PLCL2: variants seen among roughly 807,000 people sequenced by gnomAD.
PLCL2 encodes inactive phospholipase C-like protein 2.
Under a neutral mutation model 79.6 loss-of-function variants are expected in PLCL2, and 4 were observed. That is an observed-to-expected ratio of 0.05 (90% confidence interval 0.02 to 0.11). PLCL2 has a LOEUF of 0.11. Ranked by LOEUF, PLCL2 falls within the 10% of genes least tolerant of loss-of-function variation. PLCL2 has a pLI of 1.00. For missense variants in PLCL2, 895 were observed against 1,291.0 expected (o/e 0.69, Z 4.70); for synonymous variants, 484 against 457.7 (o/e 1.06, Z -0.73).
intron 5 of PLCL2, among the ~76,000 whole-genome samples, chr3:17,079,358 T>C (rs1385068526): frequency 6.6e-6 from 1 of 152,186 alleles, no homozygotes; most frequent in Admixed American, 6.5e-5. Flanking sequence ...ATGCTAACCC[T>C]ACCTCTGCCA....
rs548036157 is a variant in PLCL2 at position 17,015,766 on chromosome 3, G to A, written c.3018+855G>A. ...CACGAAACTCTAGGTTTCTTCTGAT[G>A]TAGCTTGCTGTGCTCAAGGACAAAA... On this transcript the variant is annotated intron_variant, in intron 3 of 5. Coordinates refer to ENST00000615277, the MANE Select transcript of PLCL2 (RefSeq NM_001144382.2). 3.3e-5 allele frequency among the ~76,000 whole-genome samples: 5 copies of A among 152,310 alleles called. 1 individual carries two copies. The South Asian group carries it at 8.3e-4, about 25-fold the overall frequency.
At chr3:17,016,109 C>T (rs1228049046) in intron 3 of PLCL2, among the ~76,000 whole-genome samples, 1 of 152,134 alleles carries the variant, frequency 6.6e-6, no homozygotes, top group Non-Finnish European at 1.5e-5. Context: ...TTTGCTATCA[C>T]CATGAGTTCC....
At chr3:16,891,610 A>G (rs1437781810) in intron 1 of PLCL2, among the ~76,000 whole-genome samples, 3 of 152,214 alleles carry the variant, frequency 2.0e-5, no homozygotes, top group Admixed American at 6.5e-5. Flanking sequence ...TGAACATACA[A>G]TTTCATTGTG....
Position 17,089,939 on chromosome 3 carries a change from G to A in PLCL2, c.*27G>A. On this transcript the variant is annotated 3_prime_UTR_variant, in exon 6 of 6. Coordinates refer to ENST00000615277, the MANE Select transcript of PLCL2 (RefSeq NM_001144382.2). The stretch of plus-strand genomic sequence containing the variant: ...GAAACTTACAATAAACCATTATGGA[G>A]TTTATAACTCTAGGACCAATTGTAG... 6.2e-7 allele frequency: 1 copy of A among 1,602,888 alleles called. No homozygotes were observed. Among genetic ancestry groups the A allele is most frequent in the Non-Finnish European group, 8.5e-7 (1 of 1,174,822 alleles).
At chr3:17,016,990 CA>C (rs1390280215) in intron 3 of PLCL2, among the ~76,000 whole-genome samples, 2 of 152,124 alleles carry the variant, frequency 1.3e-5, no homozygotes, top group African/African-American at 2.4e-5. Flanking sequence ...AGGCCAAGTT[CA>C]GGGGCTGATT....
intron 1 of PLCL2, among the ~76,000 whole-genome samples, chr3:16,980,283 C>G (rs1052029010): frequency 1.4e-5 from 2 of 147,368 alleles, no homozygotes; most frequent in Non-Finnish European, 3.0e-5. Context: ...TGACCCCCCC[C>G]ACCTCCCTCT....
chr3:16,970,212 T>TC (rs1269728043), intron 1 of PLCL2, among the ~76,000 whole-genome samples: 4 of 148,520 alleles, frequency 2.7e-5, no homozygotes, highest in Admixed American at 6.8e-5. Context: ...CTCTCCCCCC[T>TC]CCCCCCAGCC....
intron 1 of PLCL2, among the ~76,000 whole-genome samples, chr3:17,001,073 T>C (rs574881516): frequency 4.6e-5 from 7 of 152,150 alleles, no homozygotes; most frequent in Non-Finnish European, 8.8e-5. Flanking sequence ...TACACCAGCT[T>C]TTTTTTTCTC....
chr3:16,963,340 A>G (rs2063774139), intron 1 of PLCL2, among the ~76,000 whole-genome samples: 1 of 152,116 alleles, frequency 6.6e-6, no homozygotes. Flanking sequence ...AAACTTTGAA[A>G]AATGTAGCAA....
intron 1 of PLCL2, among the ~76,000 whole-genome samples, chr3:16,923,245 C>T (rs1004441701): frequency 6.6e-6 from 1 of 152,108 alleles, no homozygotes; most frequent in South Asian, 2.1e-4. Context: ...TGTTCACCAC[C>T]CTGGTGATTT....
chr3:17,056,330 T>C (rs902685145), intron 4 of PLCL2, among the ~76,000 whole-genome samples: 13 of 152,162 alleles, frequency 8.5e-5, no homozygotes, highest in Admixed American at 7.2e-4. Flanking sequence ...TACACACATG[T>C]ATGTGTGTAT....
intron 5 of PLCL2, among the ~76,000 whole-genome samples, chr3:17,088,951 G>A (rs2065247835): frequency 6.6e-6 from 1 of 152,186 alleles, no homozygotes; most frequent in Non-Finnish European, 1.5e-5. Flanking sequence ...AAATTTGGCT[G>A]AGAAAGTATA....
Position 16,902,480 on chromosome 3 carries a change from C to T in PLCL2, c.327+17114C>T, listed in dbSNP as rs145080307. On this transcript the variant is annotated intron_variant, in intron 1 of 5. Coordinates refer to ENST00000615277, the MANE Select transcript of PLCL2 (RefSeq NM_001144382.2). ...AAGTGCATGATTTCTATAGCAAGAA[C>T]ATGGGCTGAACTGAATTAAAGTGAT... Among the ~76,000 whole-genome samples the T allele has an allele frequency of 3.7e-4, 56 of 152,258 alleles. 1 individual carries two copies. Among genetic ancestry groups the T allele is most frequent in the Middle Eastern group, 3.4e-3 (1 of 294 alleles).
At chr3:16,902,854 G>A (rs866489329) in intron 1 of PLCL2, among the ~76,000 whole-genome samples, 2,486 of 10,742 alleles carry the variant, frequency 0.23, 44 homozygotes, top group African/African-American at 0.35. Context: ...AATGCAGTGC[G>A]TGTGTGTGTG....
intron 5 of PLCL2, among the ~76,000 whole-genome samples, chr3:17,071,534 C>T (rs1441726286): frequency 2.0e-5 from 3 of 152,096 alleles, no homozygotes; most frequent in Non-Finnish European, 4.4e-5. Flanking sequence ...AAGATTCTCC[C>T]TCTGAGAAAT....
At chr3:17,031,247 A>C (rs2064578192) in intron 3 of PLCL2, among the ~76,000 whole-genome samples, 1 of 152,134 alleles carries the variant, frequency 6.6e-6, no homozygotes, top group African/African-American at 2.4e-5. Context: ...AATGTTTCCA[A>C]GACCAAGGGA....
chr3:16,957,948 A>G (rs1025823775), intron 1 of PLCL2, among the ~76,000 whole-genome samples: 2 of 152,126 alleles, frequency 1.3e-5, no homozygotes, highest in African/African-American at 4.8e-5. Context: ...GGTTTCCTGA[A>G]TACAGCACAC....
rs971722092 is a variant in PLCL2 at position 16,887,569 on chromosome 3, G to A, written c.327+2203G>A. Among the ~76,000 whole-genome samples, 78 of 152,304 alleles carry A rather than the reference G, an allele frequency of 5.1e-4. No individual in the cohort carries two copies. Among genetic ancestry groups the A allele is most frequent in the African/African-American group, 1.8e-3 (74 of 41,562 alleles). On this transcript the variant is annotated intron_variant, in intron 1 of 5. Transcript: ENST00000615277. The surrounding 1 kb of genome is among the most constrained non-coding windows in gnomAD (Gnocchi z 4.1). ...TCAATACTGGGTTATAGGAAAGAGA[G>A]GATGCTATATTTAAATAGGTAACTA...
chr3:16,910,652 A>G (rs1328930859), intron 1 of PLCL2, among the ~76,000 whole-genome samples: 1 of 151,876 alleles, frequency 6.6e-6, no homozygotes, highest in East Asian at 1.9e-4. Flanking sequence ...ACTCCCAAAT[A>G]TACATCTCTA....
Sources: allele counts gnomAD v4.1 joint callset (sites outside exome capture counted in the v4.1 genomes callset), GRCh38; gene constraint gnomAD v4.1.1; non-coding constraint Gnocchi (gnomAD v3.1); transcripts MANE v1.5; gene names NCBI Gene and HGNC (gene_info 2026-07-23, HGNC 2026-07-21).